FOCAD: variants seen among roughly 807,000 people sequenced by gnomAD.
The protein encoded by FOCAD is KIAA1797.
Under a neutral mutation model 225.6 loss-of-function variants are expected in FOCAD, and 198 were observed. The observed-to-expected ratio is 0.88, with a 90% confidence interval of 0.78 to 0.99. The LOEUF (loss-of-function observed/expected upper bound fraction) is 0.99. Among genes scored for constraint, FOCAD ranks in the 50% least tolerant of loss-of-function variants. The probability of loss-of-function intolerance (pLI) is 0.00; values close to 1 mark genes in which losing one functional copy is unlikely to be tolerated. For missense variants in FOCAD, 2,713 were observed against 2,123.6 expected (o/e 1.28, Z -5.46); for synonymous variants, 897 against 755.0 (o/e 1.19, Z -3.08).
In FOCAD at chr9:20,860,590, G is replaced by T. The variant is rs181341964; in HGVS notation, c.1921-1988G>T. On this transcript the variant is annotated intron_variant, in intron 15 of 43. Transcript: ENST00000338382. ...CTGTAGCCCAGGCTCGAGTGCAGAG[G>T]CGCTGTCCCAGCCCACTGCAACCTC... is the stretch of plus-strand genomic sequence containing the variant. Among the ~76,000 whole-genome samples, 45 of 152,268 alleles carry T rather than the reference G, an allele frequency of 3.0e-4. 1 individual carries two copies. The East Asian group carries it at 5.6e-3, about 19-fold the overall frequency.
At chr9:20,894,481 C>T (rs1304376554) in intron 21 of FOCAD, among the ~76,000 whole-genome samples, 2 of 152,072 alleles carry the variant, frequency 1.3e-5, no homozygotes, top group African/African-American at 2.4e-5. Context: ...TATACCATTT[C>T]GCATCTCCTT....
chr9:20,873,020 A>G (rs985686270), intron 18 of FOCAD: 10 of 152,100 alleles, frequency 6.6e-5, no homozygotes, highest in African/African-American at 1.9e-4. Flanking sequence ...GCTGGATAAT[A>G]TTTCATGGTA....
At chr9:20,712,555 G>A (rs925934765) in intron 1 of FOCAD, among the ~76,000 whole-genome samples, 5 of 151,520 alleles carry the variant, frequency 3.3e-5, no homozygotes, top group Admixed American at 2.0e-4. Context: ...CCAGCTACTC[G>A]GGAGGCTGAG....
rs1564103250 is a variant in FOCAD at position 20,878,387 on chromosome 9, GTATA to G, written c.2318-3480_2318-3477del. 6.6e-5 allele frequency among the ~76,000 whole-genome samples: 10 copies of G among 152,218 alleles called. No homozygotes were observed. The South Asian group carries it at 2.1e-3, about 32-fold the overall frequency. On this transcript the variant is annotated intron_variant, in intron 19 of 43. Coordinates refer to ENST00000338382, the MANE Select transcript of FOCAD (RefSeq NM_001375567.1). Reference sequence around the variant, plus strand: ...TGGTTGTGGTCTAGAAATTTGGTGAGTATATATTCTCCATCTGAAAGTCTAGTTA... The same window carrying G: ...TGGTTGTGGTCTAGAAATTTGGTGAGTATTCTCCATCTGAAAGTCTAGTTA...
rs200134924 is a variant in FOCAD, at chr9:20,857,514, A to AACC, written c.1921-5064_1921-5063insACC. ...TGGTAGAGTCTCTAGGTTTTTCTAAATATGAGATCATATCATTTGGAAAGA... is the reference window on the plus strand; with the variant it reads ...TGGTAGAGTCTCTAGGTTTTTCTAAAACCTATGAGATCATATCATTTGGAAAGA... On this transcript the variant is annotated intron_variant, in intron 15 of 43. Transcript: ENST00000338382. 1.5e-3 allele frequency among the ~76,000 whole-genome samples: 228 copies of AACC among 152,106 alleles called. 3 individuals are homozygous for AACC. In the East Asian group the frequency reaches 0.04, roughly 27 times the overall value.
At chr9:20,800,714 C>T (rs1821713940) in intron 11 of FOCAD, among the ~76,000 whole-genome samples, 1 of 152,062 alleles carries the variant, frequency 6.6e-6, no homozygotes, top group Non-Finnish European at 1.5e-5. Context: ...CCTTTAAGGA[C>T]TTCTCTGCTT....
At chr9:20,761,139 G>A (rs566842370) in intron 6 of FOCAD, among the ~76,000 whole-genome samples, 21 of 151,932 alleles carry the variant, frequency 1.4e-4, no homozygotes, top group Non-Finnish European at 2.4e-4. Context: ...CTGAGTAGCT[G>A]GGACTATAGG....
intron 40 of FOCAD, 55 bp downstream of exon 40, chr9:20,986,520 C>G: frequency 6.8e-7 from 1 of 1,462,182 alleles, no homozygotes. Flanking sequence ...CCTGCTGTTG[C>G]TTTTAAGTTG....
intron 11 of FOCAD, among the ~76,000 whole-genome samples, chr9:20,790,932 G>C (rs1319522833): frequency 1.3e-5 from 2 of 152,104 alleles, no homozygotes; most frequent in Non-Finnish European, 2.9e-5. Context: ...TCTGCAAGTG[G>C]ATCTGTAATG....
Position 20,750,507 on chromosome 9 carries a change from A to G in FOCAD, c.393-7583A>G, listed in dbSNP as rs12352860. 2.4e-3 allele frequency among the ~76,000 whole-genome samples: 365 copies of G among 152,340 alleles called. 2 individuals are homozygous for G. The highest frequency in any genetic ancestry group is 3.4e-3 in the Non-Finnish European group (232 of 68,024). Reference sequence around the variant, plus strand: ...GGAGGTACAACAAATTGGATCATCTATTGCAGAAAAACAACAACAAAAAAT... The same window carrying G: ...GGAGGTACAACAAATTGGATCATCTGTTGCAGAAAAACAACAACAAAAAAT... On this transcript the variant is annotated intron_variant, in intron 5 of 43. Coordinates refer to ENST00000338382, the MANE Select transcript of FOCAD (RefSeq NM_001375567.1).
At chr9:20,711,996 A>G (rs1824886391) in intron 1 of FOCAD, among the ~76,000 whole-genome samples, 1 of 152,202 alleles carries the variant, frequency 6.6e-6, no homozygotes, top group Non-Finnish European at 1.5e-5. Flanking sequence ...AGGTATTTCC[A>G]TTGTTGCATG....
At chr9:20,671,893 C>T (rs112617323) in intron 2 of FOCAD, among the ~76,000 whole-genome samples, 6,275 of 152,126 alleles carry the variant, frequency 0.041, 453 homozygotes, top group African/African-American at 0.14. Context: ...ACACCTCTTT[C>T]AAATTCCATA....
At position 20,661,684 on chromosome 9, in the gene FOCAD, A is replaced by C. The variant is rs185805158; in HGVS notation, c.-78+2858A>C. ...ATCAGCCATTGTGTCTAATTTTCAT[A>C]TTGCTAAACATAGGATACATTGAGT... On this transcript the variant is annotated intron_variant, in intron 2 of 45. Transcript: ENST00000380249. Among the ~76,000 whole-genome samples, 284 of 152,356 alleles carry C rather than the reference A, an allele frequency of 1.9e-3. 1 individual carries two copies. The highest frequency in any genetic ancestry group is 6.5e-3 in the African/African-American group (269 of 41,576).
chr9:20,923,800 G>C (rs527517414), intron 25 of FOCAD, 32 bp downstream of exon 25: 1 of 1,540,770 alleles, frequency 6.5e-7, no homozygotes, highest in African/African-American at 1.4e-5. Context: ...AATTGGCTTT[G>C]ATTATGTCTT....
chr9:20,898,985 A>G (rs992106391), intron 21 of FOCAD, among the ~76,000 whole-genome samples: 7 of 151,672 alleles, frequency 4.6e-5, no homozygotes, highest in African/African-American at 1.7e-4. Context: ...CTTAGGTGGG[A>G]TAGGATGGCT....
rs753460162 is a variant in FOCAD, at chr9:20,865,906, T to C, written c.2056-20T>C. The C allele has an allele frequency of 2.5e-6, 4 of 1,585,444 alleles. No homozygotes were observed. Among genetic ancestry groups the C allele is most frequent in the Non-Finnish European group, 3.4e-6 (4 of 1,161,954 alleles). On this transcript the variant is annotated intron_variant, in intron 16 of 43. Transcript: ENST00000338382. ...TAGCTTGGTCTTAACAATTTATTCT[T>C]TTGTATGTTAACTTTTCAGAATTTT...
At chr9:20,885,410 C>T in intron 21 of FOCAD, 180 bp downstream of exon 21, 1 of 493,480 alleles carries the variant, frequency 2.0e-6, no homozygotes, top group Non-Finnish European at 3.0e-6. Context: ...CTGAAAGAAA[C>T]TGCCATGTTT....
intron 10 of FOCAD, among the ~76,000 whole-genome samples, chr9:20,782,592 A>C (rs1029777759): frequency 4.6e-5 from 7 of 152,186 alleles, no homozygotes; most frequent in African/African-American, 1.7e-4. Context: ...GATTTACCAG[A>C]CTTTTTTTGT....
chr9:20,734,120 G>C (rs1826939314), intron 4 of FOCAD, among the ~76,000 whole-genome samples: 1 of 152,188 alleles, frequency 6.6e-6, no homozygotes, highest in Non-Finnish European at 1.5e-5. Context: ...TGTAGGTAAT[G>C]GAAGTCAGTG....
Sources: gnomAD v4.1 joint callset for allele counts (sites outside exome capture counted in the v4.1 genomes callset) on GRCh38, gnomAD v4.1.1 for gene constraint, MANE v1.5 for transcripts, NCBI Gene and HGNC (gene_info 2026-07-23, HGNC 2026-07-21) for gene names.